ANO2: variants seen among roughly 807,000 people sequenced by gnomAD.
ANO2 encodes the protein anoctamin-2.
A neutral mutation model predicts 124.2 loss-of-function variants in ANO2; 101 were observed. That is an observed-to-expected ratio of 0.81 (90% CI 0.69 to 0.96). ANO2 has a LOEUF of 0.96. ANO2 is among the 40% of genes least tolerant of loss of function. The probability of loss-of-function intolerance (pLI) is 0.00; values close to 1 mark genes in which losing one functional copy is unlikely to be tolerated. For synonymous variants in ANO2, 486 were observed against 482.5 expected (o/e 1.01, Z -0.09); for missense variants, 1,293 against 1,274.5 (o/e 1.01, Z -0.22).
chr12:5,729,924 C>T (rs1950571417), intron 14 of ANO2, among the ~76,000 whole-genome samples: 1 of 152,130 alleles, frequency 6.6e-6, no homozygotes, highest in African/African-American at 2.4e-5. Context: ...TTCTATAATA[C>T]CATTTACGTG....
chr12:5,590,039 T>TA (rs372353475), intron 20 of ANO2, among the ~76,000 whole-genome samples: 20 of 146,270 alleles, frequency 1.4e-4, no homozygotes, highest in East Asian at 1.0e-3. Flanking sequence ...AGGATGTAGT[T>TA]AAAAAAAAAA....
intron 10 of ANO2, among the ~76,000 whole-genome samples, chr12:5,760,959 G>A (rs1049046220): frequency 1.3e-5 from 2 of 151,824 alleles, no homozygotes; most frequent in African/African-American, 4.8e-5. Flanking sequence ...CTTGCAGCCT[G>A]GCAGGCTCTG....
At chr12:5,713,955 C>A (rs1322386513) in intron 14 of ANO2, among the ~76,000 whole-genome samples, 2 of 152,270 alleles carry the variant, frequency 1.3e-5, no homozygotes, top group Middle Eastern at 3.4e-3. Context: ...CCACTTCTGC[C>A]AGAGAAAGGA....
upstream of ANO2, among the ~76,000 whole-genome samples, chr12:5,945,530 C>G (rs1262895873): frequency 6.6e-6 from 1 of 152,244 alleles, no homozygotes; most frequent in Admixed American, 6.5e-5. Flanking sequence ...GCTCCCTGCT[C>G]CCCCAGAGCC....
chr12:5,623,850 C>T (rs933799768), intron 16 of ANO2, among the ~76,000 whole-genome samples: 1 of 152,204 alleles, frequency 6.6e-6, no homozygotes, highest in Non-Finnish European at 1.5e-5. Flanking sequence ...ACAGCACAAC[C>T]AACTGGGCTG....
chr12:5,793,735 G>T (rs1952763222), intron 10 of ANO2, among the ~76,000 whole-genome samples: 1 of 152,210 alleles, frequency 6.6e-6, no homozygotes, highest in Non-Finnish European at 1.5e-5. Context: ...TCTCTGGAAG[G>T]CTGTTGTGAG....
chr12:5,596,346 T>TA lies in ANO2; in HGVS notation c.2233+3137dup, dbSNP rs869091102. Among the ~76,000 whole-genome samples the TA allele has an allele frequency of 3.3e-5, 5 of 151,864 alleles. No homozygotes were observed. In the South Asian group the frequency reaches 8.3e-4, roughly 25 times the overall value. On this transcript the variant is annotated intron_variant, in intron 20 of 24. Transcript: ENST00000682330. ...AAATATTTATCCATATAATGGGAAATAAAAAAATAAATGTGAGTATGATCA... is the reference window on the plus strand; with the variant it reads ...AAATATTTATCCATATAATGGGAAATAAAAAAAATAAATGTGAGTATGATCA...
intron 17 of ANO2, among the ~76,000 whole-genome samples, chr12:5,614,112 C>G (rs1944676570): frequency 1.3e-5 from 2 of 152,146 alleles, no homozygotes. Flanking sequence ...TTGGTTGACG[C>G]CTATTGGGAA....
intron 10 of ANO2, among the ~76,000 whole-genome samples, chr12:5,777,949 G>C (rs1335660574): frequency 6.6e-6 from 1 of 152,224 alleles, no homozygotes; most frequent in African/African-American, 2.4e-5. Flanking sequence ...TCTGTCCTCA[G>C]ACTTTATCAA....
At chr12:5,774,175 C>T (rs1030630663) in intron 10 of ANO2, among the ~76,000 whole-genome samples, 2 of 152,188 alleles carry the variant, frequency 1.3e-5, no homozygotes, top group Admixed American at 1.3e-4. Context: ...TGTTCTTGGG[C>T]AGGACGCAGT....
intron 14 of ANO2, among the ~76,000 whole-genome samples, chr12:5,725,344 C>T (rs1051387062): frequency 2.0e-5 from 3 of 152,218 alleles, no homozygotes; most frequent in African/African-American, 7.2e-5. Context: ...TTCTCTTCCC[C>T]GATAGCCTCT....
intron 5 of ANO2, among the ~76,000 whole-genome samples, 193 bp from the exon 6 acceptor site, chr12:5,830,682 G>A (rs1256595938): frequency 1.3e-5 from 2 of 152,052 alleles, no homozygotes; most frequent in Non-Finnish European, 2.9e-5. Flanking sequence ...TCTTAGGGAA[G>A]AAACTCAACA....
At chr12:5,610,199 TTATATAAATACTTATATAAATATATAC>T (rs1944433243) in intron 19 of ANO2, among the ~76,000 whole-genome samples, 4 of 130,028 alleles carry the variant, frequency 3.1e-5, no homozygotes, top group African/African-American at 1.2e-4. Flanking sequence ...AAATATATAC[TTATATAAATACTTATATAAATATATAC>T]TTATATAAAT....
intron 14 of ANO2, among the ~76,000 whole-genome samples, chr12:5,719,131 T>C (rs1440770740): frequency 6.6e-6 from 1 of 152,234 alleles, no homozygotes; most frequent in Non-Finnish European, 1.5e-5. Flanking sequence ...CTGATACCGT[T>C]AGTGTCTGCT....
chr12:5,699,948 T>C (rs1949336771), intron 14 of ANO2, among the ~76,000 whole-genome samples: 1 of 152,138 alleles, frequency 6.6e-6, no homozygotes, highest in African/African-American at 2.4e-5. Context: ...AGCAAGTCCT[T>C]AAAGACCTAC....
upstream of ANO2, chr12:5,946,165 A>G: frequency 6.2e-7 from 1 of 1,613,858 alleles, no homozygotes; most frequent in Non-Finnish European, 8.5e-7. This position sits in a 1 kb window ranked among gnomAD's most constrained non-coding sequence, Gnocchi z 4.1. Context: ...AGGCATGAAG[A>G]TTTTCTCTCC....
chr12:5,832,402 T>C, intron 5 of ANO2, 50 bp downstream of exon 5: 2 of 1,606,322 alleles, frequency 1.2e-6, no homozygotes, highest in South Asian at 2.2e-5. Context: ...GTATTCAATT[T>C]TCCTTCCTAT....
chr12:5,575,831 T>C lies in ANO2; in HGVS notation c.2621+3A>G. The C allele has an allele frequency of 6.2e-7, 1 of 1,613,378 alleles. No individual in the cohort carries two copies. The highest frequency in any genetic ancestry group is 8.5e-7 in the Non-Finnish European group (1 of 1,179,516). ...GCTGCCCTTCTCCTGAAGATTACTT[T>C]ACCTGCAGAACTGAACCTCCTGGTC... On this transcript the variant is annotated splice_donor_region_variant and intron_variant, in intron 23 of 24. Transcript: ENST00000682330.
At chr12:5,733,725 T>C (rs16933825) in intron 13 of ANO2, among the ~76,000 whole-genome samples, 18,961 of 152,160 alleles carry the variant, frequency 0.12, 1,318 homozygotes, top group African/African-American at 0.18. Flanking sequence ...GGCGGTGCCA[T>C]TCTATCCTCA....
Sources: gnomAD v4.1 joint callset for allele counts (sites outside exome capture counted in the v4.1 genomes callset) on GRCh38, gnomAD v4.1.1 for gene constraint, Gnocchi (gnomAD v3.1) non-coding constraint, MANE v1.5 for transcripts, NCBI Gene and HGNC (gene_info 2026-07-23, HGNC 2026-07-21) for gene names.